The following CUL5 variants were observed in gnomAD, a reference collection of about 807,000 sequenced individuals.
CUL5 encodes the protein cullin-5.
A neutral mutation model predicts 108.8 loss-of-function variants in CUL5; 26 were observed. The observed-to-expected ratio is 0.24, with a 90% CI of 0.18 to 0.33. The LOEUF (loss-of-function observed/expected upper bound fraction) is 0.33. CUL5 is among the 10% of genes least tolerant of loss of function. The pLI, the probability that CUL5 is intolerant of heterozygous loss-of-function variation, is 1.00. For synonymous variants in CUL5, 334 were observed against 298.0 expected, an observed-to-expected ratio of 1.12 and a Z score of -1.25; for missense variants, 524 against 909.2, an observed-to-expected ratio of 0.58 and a Z score of 5.45.
intron 18 of CUL5, among the ~76,000 whole-genome samples, chr11:108,103,232 A>T (rs576524849): frequency 1.2e-4 from 18 of 152,354 alleles, no homozygotes; most frequent in African/African-American, 3.6e-4. Context: ...AAATTTTGAT[A>T]AAATGACCTA....
rs1410760725 is a variant in CUL5 at position 108,089,494 on chromosome 11, C to G, written c.1314C>G (p.Leu438=). ...AAGTAACTTTATTTTTCATACAGCT[C>G]TTGGTACTTAAGTATGTACAGAACA... The part of the protein sequence containing the change: ...EEIEAKLKEV[L]LVLKYVQNKD... The change falls in exon 13 of 19, where the codon CTC becomes CTG. Residue 438 remains leucine (L), a splice_region_variant and synonymous_variant. Transcript: ENST00000393094. 2 of 1,542,586 alleles carry G rather than the reference C, an allele frequency of 1.3e-6. No individual in the cohort carries two copies. The highest frequency in any genetic ancestry group is 8.7e-7 in the Non-Finnish European group (1 of 1,150,888).
chr11:108,023,592 T>C (rs1003613439), intron 1 of CUL5, among the ~76,000 whole-genome samples: 1 of 152,238 alleles, frequency 6.6e-6, no homozygotes, highest in Admixed American at 6.5e-5. Flanking sequence ...GTCCATGTAC[T>C]ACAGTTTAAG....
Position 108,054,106 on chromosome 11 carries a change from G to A in CUL5, c.554-541G>A, listed in dbSNP as rs368395752. ...AGTAATCTGCCCACCTTGGCCTCCC[G>A]CAGTGCTGGGATTACAAGTGTGAGC... is the stretch of plus-strand genomic sequence containing the variant. On this transcript the variant is annotated intron_variant, in intron 5 of 18. Coordinates refer to ENST00000393094, the MANE Select transcript of CUL5 (RefSeq NM_003478.6). Among the ~76,000 whole-genome samples the A allele has an allele frequency of 1.1e-4, 17 of 152,186 alleles. No individual in the cohort carries two copies. In the East Asian group the frequency reaches 1.9e-3, roughly 17 times the overall value.
chr11:108,032,596 TC>T (rs1862620006), intron 1 of CUL5, among the ~76,000 whole-genome samples: 9 of 152,252 alleles, frequency 5.9e-5, no homozygotes, highest in East Asian at 1.9e-4. Context: ...TCTCTCTCTC[TC>T]TCTCTGTTTT....
chr11:108,015,893 G>A (rs552727990), intron 1 of CUL5, among the ~76,000 whole-genome samples: 1 of 152,246 alleles, frequency 6.6e-6, no homozygotes, highest in African/African-American at 2.4e-5. Context: ...AGGATACTAG[G>A]CATCTTTCTA....
chr11:108,068,919 A>G (rs1466243431), intron 7 of CUL5, among the ~76,000 whole-genome samples: 2 of 152,144 alleles, frequency 1.3e-5, no homozygotes, highest in Non-Finnish European at 2.9e-5. Context: ...ATCTTTAATA[A>G]TGACTTGAGG....
intron 18 of CUL5, among the ~76,000 whole-genome samples, chr11:108,101,148 C>G (rs2135251096): frequency 6.6e-6 from 1 of 152,350 alleles, no homozygotes; most frequent in Non-Finnish European, 1.5e-5. Flanking sequence ...ATAATCTAAG[C>G]TGTCTTTAGG....
Position 108,009,366 on chromosome 11 carries a change from G to A in CUL5, c.18G>A (p.Leu6=), listed in dbSNP as rs753069112. MATSN[L]LKNKGSLQFE... is the part of the protein sequence containing the mutation. ...TAAAGAACATGGCGACGTCTAATCT[G>A]TTAAAGGTAAGACCCTCACTCCAGC... The change falls in exon 1 of 19, where the codon CTG becomes CTA. Residue 6 remains leucine, a synonymous_variant. Coordinates refer to ENST00000393094, the MANE Select transcript of CUL5 (RefSeq NM_003478.6). The A allele has an allele frequency of 6.8e-6, 11 of 1,613,652 alleles. 1 individual carries two copies. Among genetic ancestry groups the A allele is most frequent in the South Asian group, 3.3e-5 (3 of 91,026 alleles).
At chr11:108,040,611 C>CAAAAAAAAA (rs71047667) in intron 2 of CUL5, among the ~76,000 whole-genome samples, 2 of 112,712 alleles carry the variant, frequency 1.8e-5, no homozygotes, top group African/African-American at 3.7e-5. Flanking sequence ...GACTCCGTCT[C>CAAAAAAAAA]AAAAAAAAAA....
intron 1 of CUL5, among the ~76,000 whole-genome samples, chr11:108,017,645 T>C (rs1349530951): frequency 2.0e-5 from 3 of 151,468 alleles, no homozygotes; most frequent in Non-Finnish European, 2.9e-5. Flanking sequence ...AGCCCAGGAG[T>C]TCAAGACCAG....
intron 3 of CUL5, 117 bp from the exon 4 acceptor site, chr11:108,049,773 A>G: frequency 1.3e-6 from 1 of 763,922 alleles, no homozygotes; most frequent in Non-Finnish European, 2.1e-6. Flanking sequence ...TCTTTTGGAT[A>G]TAAGAGCTTG....
Position 108,080,785 on chromosome 11 carries a change from T to A in CUL5, c.1178+2545T>A, listed in dbSNP as rs144140306. On this transcript the variant is annotated intron_variant, in intron 11 of 18. Coordinates refer to ENST00000393094, the MANE Select transcript of CUL5 (RefSeq NM_003478.6). ...TGGTACTGGATCCGTATCAGATAGATGATGTGCTAATATTTTCTCCCATTC... is the reference window on the plus strand; with the variant it reads ...TGGTACTGGATCCGTATCAGATAGAAGATGTGCTAATATTTTCTCCCATTC... Among the ~76,000 whole-genome samples the A allele has an allele frequency of 3.3e-4, 51 of 152,320 alleles. No individual in the cohort carries two copies. The East Asian group carries it at 7.3e-3, about 22-fold the overall frequency.
chr11:108,029,551 T>G (rs1862526839), intron 1 of CUL5, among the ~76,000 whole-genome samples: 1 of 152,220 alleles, frequency 6.6e-6, no homozygotes, highest in Admixed American at 6.5e-5. Context: ...TTCTTATTAA[T>G]AAGGCATTCT....
intron 11 of CUL5, among the ~76,000 whole-genome samples, chr11:108,083,530 C>T (rs568291699): frequency 6.6e-6 from 1 of 152,190 alleles, no homozygotes; most frequent in Non-Finnish European, 1.5e-5. Flanking sequence ...ATGGCTCATG[C>T]CTGTCATCTC....
chr11:108,069,614 A>G (rs1013723523), intron 7 of CUL5, among the ~76,000 whole-genome samples: 3 of 152,210 alleles, frequency 2.0e-5, no homozygotes, highest in Middle Eastern at 3.4e-3. Context: ...TTAGCAGTGT[A>G]GGTTTACTGC....
At chr11:108,083,037 G>C (rs1864134705) in intron 11 of CUL5, among the ~76,000 whole-genome samples, 1 of 152,190 alleles carries the variant, frequency 6.6e-6, no homozygotes, top group Non-Finnish European at 1.5e-5. Flanking sequence ...ATAAGATCAT[G>C]ACATCTGCAA....
intron 7 of CUL5, among the ~76,000 whole-genome samples, chr11:108,056,049 G>A (rs932975744): frequency 1.1e-4 from 17 of 152,186 alleles, no homozygotes; most frequent in African/African-American, 4.1e-4. Flanking sequence ...AAAATGCTGG[G>A]ATTATGGGCA....
Position 108,033,841 on chromosome 11 carries a change from A to C in CUL5, c.64A>C (p.Met22Leu). The C allele has an allele frequency of 6.2e-7, 1 of 1,612,498 alleles. No homozygotes were observed. The highest frequency in any genetic ancestry group is 8.5e-7 in the Non-Finnish European group (1 of 1,179,254). The change falls in exon 2 of 19, where the codon ATG (methionine) becomes CTG (leucine). Residue 22 changes from methionine (M) to leucine (L), a missense_variant. By Grantham distance (15) the Met-to-Leu change is conservative. This residue lies in a region of CUL5 where 76 missense variants were observed against 90.8 expected (regional missense o/e 0.84). Coordinates refer to ENST00000393094, the MANE Select transcript of CUL5 (RefSeq NM_003478.6). ...SLQFEDKWDF[M>L]RPIVLKLLRQ... Reference sequence around the variant, plus strand: ...TCAGTTTGAAGACAAATGGGATTTTATGCGCCCGATTGTTTTGAAGCTTTT... The same window carrying C: ...TCAGTTTGAAGACAAATGGGATTTTCTGCGCCCGATTGTTTTGAAGCTTTT...
rs528176362 is a variant in CUL5, at chr11:108,085,282, G to A, written c.1179-3245G>A. ...TTATTATTCTGCTATATGCTACAAG[G>A]TAGATGAACCTTGAAAACATGGTGA... On this transcript the variant is annotated intron_variant, in intron 11 of 18. Coordinates refer to ENST00000393094, the MANE Select transcript of CUL5 (RefSeq NM_003478.6). Among the ~76,000 whole-genome samples, 39 of 152,270 alleles carry A rather than the reference G, an allele frequency of 2.6e-4. No homozygotes were observed. In the South Asian group the frequency reaches 7.7e-3, roughly 30 times the overall value.
Sources: allele counts gnomAD v4.1 joint callset (sites outside exome capture counted in the v4.1 genomes callset), GRCh38; gene constraint gnomAD v4.1.1; regional missense constraint gnomAD v4.1.1; transcripts MANE v1.5; gene names NCBI Gene and HGNC (gene_info 2026-07-23, HGNC 2026-07-21).